MCTP1: variants seen among roughly 807,000 people sequenced by gnomAD.
The protein encoded by MCTP1 is multiple C2 and transmembrane domain containing 1, also known as multiple C2 and transmembrane domain-containing protein 1.
Under a neutral mutation model 120.6 loss-of-function variants are expected in MCTP1, and 69 were observed. The ratio of observed to expected loss-of-function variants is 0.57; its 90% CI spans 0.47 to 0.70. The LOEUF is 0.70. Ranked by LOEUF, MCTP1 falls within the 30% of genes least tolerant of loss-of-function variation. The pLI is 0.00. For synonymous variants in MCTP1, 529 were observed against 493.1 expected, an observed-to-expected ratio of 1.07 and a Z score of -0.96; for missense variants, 1,203 against 1,248.8, an observed-to-expected ratio of 0.96 and a Z score of 0.55.
chr5:94,884,249 C>A (rs17084199), intron 12 of MCTP1, among the ~76,000 whole-genome samples: 1,684 of 152,248 alleles, frequency 0.011, 22 homozygotes, highest in East Asian at 0.045. Context: ...ATATTTACCA[C>A]GCAATTCTGT....
rs1754190832 is a variant in MCTP1, at chr5:94,704,935, T to C, written c.*2561A>G. On this transcript the variant is annotated 3_prime_UTR_variant, in exon 23 of 23. Coordinates refer to ENST00000515393, the MANE Select transcript of MCTP1 (RefSeq NM_024717.7). ...AATGAGAAGTACTATTATGTTCTTT[T>C]TGATAAGTGGGGAAAAATTTAAAAG... 1 of 151,260 alleles carries C rather than the reference T, an allele frequency of 6.6e-6. No individual in the cohort carries two copies. Among genetic ancestry groups the C allele is most frequent in the African/African-American group, 2.4e-5 (1 of 41,324 alleles). The allele number at this position is 151,260 out of a possible 1,614,324, so 9.4% of individuals were successfully genotyped here. A position where few individuals can be genotyped will look rare whatever the true frequency, so the allele number is the denominator to read the frequency against.
intron 1 of MCTP1, among the ~76,000 whole-genome samples, chr5:95,203,168 G>C (rs1256175102): frequency 6.6e-6 from 1 of 152,138 alleles, no homozygotes; most frequent in Non-Finnish European, 1.5e-5. Flanking sequence ...TGATTGGATG[G>C]CTTCCATTTT....
At position 94,942,445 on chromosome 5, in the gene MCTP1, A is replaced by T. The variant is rs1157976768; in HGVS notation, c.982-18T>A. The T allele has an allele frequency of 6.3e-7, 1 of 1,576,374 alleles. No homozygotes were observed. Among genetic ancestry groups the T allele is most frequent in the Non-Finnish European group, 8.7e-7 (1 of 1,147,994 alleles). On this transcript the variant is annotated intron_variant, in intron 3 of 22. Coordinates refer to ENST00000515393, the MANE Select transcript of MCTP1 (RefSeq NM_024717.7). ...TCAAATACCTGAGATGCCAAAGAGA[A>T]AAAGCCTTGTTATAAATATCTCCAA... is the stretch of plus-strand genomic sequence containing the variant.
At chr5:94,880,322 A>G (rs1285685823) in intron 12 of MCTP1, among the ~76,000 whole-genome samples, 3 of 152,150 alleles carry the variant, frequency 2.0e-5, no homozygotes, top group Non-Finnish European at 2.9e-5. Flanking sequence ...TATATACTCA[A>G]TTAGACCTTC....
At chr5:95,081,483 A>T (rs773777394) in intron 1 of MCTP1, 3 of 1,610,482 alleles carry the variant, frequency 1.9e-6, no homozygotes, top group Non-Finnish European at 2.5e-6. Context: ...TGTCTAGCAT[A>T]GTTGATTAGA....
chr5:94,821,349 T>A (rs1265931392), intron 17 of MCTP1, among the ~76,000 whole-genome samples: 1 of 152,182 alleles, frequency 6.6e-6, no homozygotes, highest in Non-Finnish European at 1.5e-5. Flanking sequence ...TCAAGAAAAT[T>A]GTGAATCATG....
In MCTP1 at chr5:94,814,161, T is replaced by C. The variant is rs916418654; in HGVS notation, c.2437-15029A>G. ...GGTGAATGTTATGACATATAAATTATATTTCAGTAAAACAAAATTTCACCT... is the reference window on the plus strand; with the variant it reads ...GGTGAATGTTATGACATATAAATTACATTTCAGTAAAACAAAATTTCACCT... On this transcript the variant is annotated intron_variant, in intron 17 of 22. Coordinates refer to ENST00000515393, the MANE Select transcript of MCTP1 (RefSeq NM_024717.7). Among the ~76,000 whole-genome samples, 4 of 152,342 alleles carry C rather than the reference T, an allele frequency of 2.6e-5. No homozygotes were observed. The East Asian group carries it at 7.7e-4, about 29-fold the overall frequency.
chr5:94,992,659 C>T (rs570213363), intron 2 of MCTP1, among the ~76,000 whole-genome samples: 2 of 152,190 alleles, frequency 1.3e-5, no homozygotes, highest in Non-Finnish European at 2.9e-5. Flanking sequence ...TAACAGATGG[C>T]AAATGGGAAT....
intron 1 of MCTP1, among the ~76,000 whole-genome samples, chr5:95,086,756 CATA>C (rs1427374777): frequency 6.6e-6 from 1 of 152,178 alleles, no homozygotes; most frequent in Non-Finnish European, 1.5e-5. Flanking sequence ...GATCCAATCA[CATA>C]ATGATATTTT....
intron 1 of MCTP1, among the ~76,000 whole-genome samples, chr5:95,124,257 CTACTT>C (rs1161458303): frequency 3.9e-5 from 6 of 152,198 alleles, no homozygotes; most frequent in Non-Finnish European, 8.8e-5. Flanking sequence ...CTGGCATACT[CTACTT>C]TGGAACGTTT....
At chr5:95,087,234 A>G (rs1484003477) in intron 1 of MCTP1, among the ~76,000 whole-genome samples, 1 of 152,250 alleles carries the variant, frequency 6.6e-6, no homozygotes, top group East Asian at 1.9e-4. Flanking sequence ...TAGGGGTGAC[A>G]GTAAATTTGA....
At chr5:95,270,571 C>A (rs1311387375) in intron 1 of MCTP1, among the ~76,000 whole-genome samples, 2 of 44,050 alleles carry the variant, frequency 4.5e-5, no homozygotes, top group African/African-American at 2.5e-4. Context: ...CAGAGAGAGG[C>A]CAGCTCAGGG....
chr5:95,250,646 A>G lies in MCTP1; in HGVS notation c.720+33210T>C, dbSNP rs569361653. Among the ~76,000 whole-genome samples the G allele has an allele frequency of 7.9e-5, 12 of 152,342 alleles. No homozygotes were observed. The East Asian group carries it at 1.2e-3, about 15-fold the overall frequency. On this transcript the variant is annotated intron_variant, in intron 1 of 22. Coordinates refer to ENST00000515393, the MANE Select transcript of MCTP1 (RefSeq NM_024717.7). Reference sequence around the variant, plus strand: ...GGATTTCTTTTTCTCCTCTATAAAAATGAATACAATGATATAAAAATGGAA... The same window carrying G: ...GGATTTCTTTTTCTCCTCTATAAAAGTGAATACAATGATATAAAAATGGAA...
At chr5:95,264,198 T>C (rs113787863) in intron 1 of MCTP1, among the ~76,000 whole-genome samples, 2 of 152,222 alleles carry the variant, frequency 1.3e-5, no homozygotes, top group African/African-American at 4.8e-5. Flanking sequence ...CTCTAAAGTA[T>C]GTTTTCTAAG....
chr5:95,209,698 C>T (rs1456370974), intron 1 of MCTP1, among the ~76,000 whole-genome samples: 1 of 152,188 alleles, frequency 6.6e-6, no homozygotes, highest in Non-Finnish European at 1.5e-5. Context: ...TCATCACATA[C>T]CTGTCCCTGG....
chr5:95,177,278 C>G (rs1313322038), intron 1 of MCTP1, among the ~76,000 whole-genome samples: 2 of 152,008 alleles, frequency 1.3e-5, no homozygotes, highest in Non-Finnish European at 2.9e-5. Context: ...GAGTTGGGCC[C>G]TAGGCAGAGC....
intron 1 of MCTP1, among the ~76,000 whole-genome samples, chr5:95,146,329 GAACT>G (rs1212835356): frequency 6.6e-6 from 1 of 151,992 alleles, no homozygotes; most frequent in African/African-American, 2.4e-5. Context: ...TTCTTTCCAA[GAACT>G]AACTCTTGCT....
intron 1 of MCTP1, among the ~76,000 whole-genome samples, chr5:95,167,939 C>T (rs1393358345): frequency 6.6e-6 from 1 of 152,120 alleles, no homozygotes; most frequent in Non-Finnish European, 1.5e-5. Context: ...GTTGCCATTG[C>T]TTTTGGTGTT....
In MCTP1 at chr5:94,910,334, T is replaced by A. The variant is rs116814097; in HGVS notation, c.1522-953A>T. Among the ~76,000 whole-genome samples the A allele has an allele frequency of 6.3e-3, 957 of 152,068 alleles. 15 individuals carry two copies. The highest frequency in any genetic ancestry group is 0.022 in the African/African-American group (907 of 41,514). On this transcript the variant is annotated intron_variant, in intron 9 of 22. Coordinates refer to ENST00000515393, the MANE Select transcript of MCTP1 (RefSeq NM_024717.7). Reference sequence around the variant, plus strand: ...TAACTTCAAGTATTCAGATAAGTCATCCTGTATGGTAGAATCAATGAGCAA... The same window carrying A: ...TAACTTCAAGTATTCAGATAAGTCAACCTGTATGGTAGAATCAATGAGCAA...
Sources: allele counts gnomAD v4.1 joint callset (sites outside exome capture counted in the v4.1 genomes callset), GRCh38; gene constraint gnomAD v4.1.1; transcripts MANE v1.5; gene names NCBI Gene and HGNC (gene_info 2026-07-23, HGNC 2026-07-21).